The following DCAF8L2 variants were observed in gnomAD, a reference collection of about 807,000 sequenced individuals.
DCAF8L2 encodes DDB1 and CUL4 associated factor 8 like 2.
For missense variants in DCAF8L2, 430 were observed against 490.7 expected, an observed-to-expected ratio of 0.88 and a Z score of 1.17; for synonymous variants, 200 against 190.9, an observed-to-expected ratio of 1.05 and a Z score of -0.39.
At chrX:27,637,647 G>C (rs1341438352) in intron 2 of DCAF8L2, among the ~76,000 whole-genome samples, 1 of 111,733 alleles carries the variant, frequency 8.9e-6, no homozygotes, top group Non-Finnish European at 1.9e-5. Context: ...GCTTCATTCA[G>C]AAATTATTTA....
chrX:27,514,708 A>AAAAAAAAAAAC, the DCAF8L2 span, among the ~76,000 whole-genome samples: 2 of 86,702 alleles, frequency 2.3e-5, no homozygotes, highest in Non-Finnish European at 4.3e-5. Context: ...AAAAAAAAAA[A>AAAAAAAAAAAC]CAGAGTGAAA....
intron 4 of DCAF8L2, among the ~76,000 whole-genome samples, chrX:27,717,442 G>C (rs1931740288): frequency 8.9e-6 from 1 of 112,221 alleles, no homozygotes; most frequent in African/African-American, 3.2e-5. Context: ...ACATGAGATG[G>C]TATCTCATTG....
intron 3 of DCAF8L2, among the ~76,000 whole-genome samples, chrX:27,685,402 C>T (rs58765582): frequency 9.0e-6 from 1 of 111,497 alleles, no homozygotes; most frequent in African/African-American, 3.3e-5. Flanking sequence ...CATTCAATTA[C>T]TGTATCAATA....
chrX:27,538,812 T>G, the DCAF8L2 span, among the ~76,000 whole-genome samples: 1 of 112,196 alleles, frequency 8.9e-6, no homozygotes, highest in African/African-American at 3.2e-5. Flanking sequence ...CATGATAGAC[T>G]TGACAGAGAG....
chrX:27,517,184 G>A, the DCAF8L2 span, among the ~76,000 whole-genome samples: 2 of 111,731 alleles, frequency 1.8e-5, no homozygotes, highest in Non-Finnish European at 3.8e-5. Flanking sequence ...ATTATTAAAT[G>A]TTCTAATCTT....
At chrX:27,522,215 C>T in the DCAF8L2 span, among the ~76,000 whole-genome samples, 15 of 111,415 alleles carry the variant, frequency 1.3e-4, no homozygotes, top group Admixed American at 5.7e-4. Flanking sequence ...TTAGTAGAGA[C>T]GGGTTTTCTC....
chrX:27,570,742 A>G, the DCAF8L2 span, among the ~76,000 whole-genome samples: 14 of 111,963 alleles, frequency 1.3e-4, no homozygotes, highest in African/African-American at 4.5e-4. Context: ...GTGGGAGCTC[A>G]TGTATGTTTA....
At chrX:27,743,665 G>C (rs1370100859) in intron 4 of DCAF8L2, among the ~76,000 whole-genome samples, 2 of 108,614 alleles carry the variant, frequency 1.8e-5, no homozygotes. Context: ...AAAGTCCTGG[G>C]ATTACAGGCA....
upstream of DCAF8L2, among the ~76,000 whole-genome samples, chrX:27,586,137 G>T (rs1406815356): frequency 9.0e-6 from 1 of 110,683 alleles, no homozygotes; most frequent in Non-Finnish European, 1.9e-5. Flanking sequence ...ACTGCTAACA[G>T]AGTCCACCCT....
the DCAF8L2 span, among the ~76,000 whole-genome samples, chrX:27,472,217 T>C: frequency 9.0e-6 from 1 of 111,580 alleles, no homozygotes; most frequent in Non-Finnish European, 1.9e-5. Flanking sequence ...CAAGTTAGAC[T>C]CTTAAGCATT....
At chrX:27,511,063 T>C in the DCAF8L2 span, among the ~76,000 whole-genome samples, 1 of 110,925 alleles carries the variant, frequency 9.0e-6, no homozygotes, top group African/African-American at 3.3e-5. Flanking sequence ...GATCTTGTAA[T>C]AGACAAGTGG....
chrX:27,630,344 A>G (rs1404969168), intron 1 of DCAF8L2, among the ~76,000 whole-genome samples: 1 of 111,884 alleles, frequency 8.9e-6, no homozygotes, highest in African/African-American at 3.2e-5. Flanking sequence ...TCTTTACAGA[A>G]TAATAATGAG....
chrX:27,661,360 T>C (rs200341162), intron 2 of DCAF8L2, among the ~76,000 whole-genome samples: 1 of 111,845 alleles, frequency 8.9e-6, no homozygotes, highest in East Asian at 2.8e-4. Context: ...TATCACTTTA[T>C]TGGTGAATTC....
At chrX:27,559,669 G>C in the DCAF8L2 span, among the ~76,000 whole-genome samples, 1 of 111,595 alleles carries the variant, frequency 9.0e-6, no homozygotes, top group Non-Finnish European at 1.9e-5. Context: ...TCTAGGACTG[G>C]GATGGCTAAT....
At chrX:27,529,536 A>C in the DCAF8L2 span, among the ~76,000 whole-genome samples, 1 of 112,059 alleles carries the variant, frequency 8.9e-6, no homozygotes, top group Non-Finnish European at 1.9e-5. Flanking sequence ...TGGTAAGCAC[A>C]CAAAATAATC....
intron 3 of DCAF8L2, among the ~76,000 whole-genome samples, chrX:27,703,574 G>A (rs1009001738): frequency 1.8e-5 from 2 of 110,835 alleles, no homozygotes; most frequent in Non-Finnish European, 3.8e-5. Flanking sequence ...AATCAATCAC[G>A]GTCAGTTGAT....
chrX:27,726,832 G>C (rs961975297), intron 4 of DCAF8L2, among the ~76,000 whole-genome samples: 1 of 111,778 alleles, frequency 8.9e-6, no homozygotes, highest in African/African-American at 3.2e-5. Flanking sequence ...CATTTTGGTT[G>C]TTTCCAAGTT....
intron 1 of DCAF8L2, among the ~76,000 whole-genome samples, chrX:27,607,565 T>G (rs1926966500): frequency 9.0e-6 from 1 of 111,571 alleles, no homozygotes; most frequent in Admixed American, 9.6e-5. Context: ...AATCTCCAAC[T>G]GTGTTTCATG....
At chrX:27,489,107 G>A in the DCAF8L2 span, among the ~76,000 whole-genome samples, 3 of 110,428 alleles carry the variant, frequency 2.7e-5, no homozygotes, top group South Asian at 1.2e-3. Flanking sequence ...TTGTTTGTTT[G>A]TTTGTTTTGA....
Sources: allele counts gnomAD v4.1 joint callset (sites outside exome capture counted in the v4.1 genomes callset), GRCh38; gene constraint gnomAD v4.1.1; transcripts MANE v1.5; gene names NCBI Gene and HGNC (gene_info 2026-07-23, HGNC 2026-07-21).